Variants in ADAMTS9 observed in about 807,000 individuals in gnomAD.
The protein encoded by ADAMTS9 is A disintegrin and metalloproteinase with thrombospondin motifs 9.
A neutral mutation model predicts 257.1 loss-of-function variants in ADAMTS9; 107 were observed. The observed-to-expected ratio is 0.42, with a 90% CI of 0.36 to 0.49. The LOEUF (loss-of-function observed/expected upper bound fraction) is 0.49, where lower values mean the gene tolerates loss of function less well. Among genes scored for constraint, ADAMTS9 ranks in the 20% least tolerant of loss-of-function variants. The pLI is 0.03. For missense variants in ADAMTS9, 2,353 were observed against 2,469.1 expected, an observed-to-expected ratio of 0.95 and a Z score of 1.00; for synonymous variants, 982 against 880.9, an observed-to-expected ratio of 1.11 and a Z score of -2.03.
In ADAMTS9 at chr3:64,633,613, A is replaced by C; in HGVS notation, c.2039-5T>G. The C allele has an allele frequency of 6.2e-7, 1 of 1,614,062 alleles. No homozygotes were observed. Among genetic ancestry groups the C allele is most frequent in the Non-Finnish European group, 8.5e-7 (1 of 1,180,014 alleles). On this transcript the variant is annotated splice_region_variant and splice_polypyrimidine_tract_variant and intron_variant, in intron 13 of 39. Coordinates refer to ENST00000498707, the MANE Select transcript of ADAMTS9 (RefSeq NM_182920.2). Reference sequence around the variant, plus strand: ...TGCACCGGTCCTTCATCAGAACTAGAGAGGAGAAACAATACAACTTGACTT... The same window carrying C: ...TGCACCGGTCCTTCATCAGAACTAGCGAGGAGAAACAATACAACTTGACTT...
chr3:64,679,718 T>C (rs370908521), intron 3 of ADAMTS9, among the ~76,000 whole-genome samples: 1 of 152,174 alleles, frequency 6.6e-6, no homozygotes, highest in African/African-American at 2.4e-5. Flanking sequence ...ATGTATACAT[T>C]TCATGTTATG....
chr3:64,530,216 A>G (rs1469604176), intron 38 of ADAMTS9, among the ~76,000 whole-genome samples: 2 of 152,026 alleles, frequency 1.3e-5, no homozygotes, highest in Admixed American at 1.3e-4. Flanking sequence ...CTAAAGTCAC[A>G]CAGGTTTATT....
chr3:64,601,068 A>C (rs1174185628), intron 26 of ADAMTS9, among the ~76,000 whole-genome samples: 1 of 151,976 alleles, frequency 6.6e-6, no homozygotes, highest in Non-Finnish European at 1.5e-5. Context: ...TTTTTTTTTA[A>C]TTATTTAGTA....
intron 28 of ADAMTS9, among the ~76,000 whole-genome samples, chr3:64,582,063 C>G (rs1186085498): frequency 6.6e-6 from 1 of 152,144 alleles, no homozygotes; most frequent in Non-Finnish European, 1.5e-5. Flanking sequence ...GACATATCAT[C>G]TAAAATGTTT....
chr3:64,551,821 T>G (rs1483122837), intron 30 of ADAMTS9, among the ~76,000 whole-genome samples: 1 of 152,170 alleles, frequency 6.6e-6, no homozygotes, highest in Non-Finnish European at 1.5e-5. Flanking sequence ...AGTTTTCCAT[T>G]CCAGGAAAGC....
At chr3:64,647,903 G>C in intron 11 of ADAMTS9, 37 bp downstream of exon 11, 1 of 1,584,442 alleles carries the variant, frequency 6.3e-7, no homozygotes, top group Non-Finnish European at 8.6e-7. Flanking sequence ...GCACATTTCT[G>C]CCCTAAGACA....
At chr3:64,644,772 G>A (rs745979562) in intron 11 of ADAMTS9, among the ~76,000 whole-genome samples, 12 of 152,114 alleles carry the variant, frequency 7.9e-5, no homozygotes, top group Non-Finnish European at 1.3e-4. Context: ...TTATTCTATA[G>A]ATTTTACTTC....
intron 11 of ADAMTS9, among the ~76,000 whole-genome samples, chr3:64,642,792 C>T (rs534092253): frequency 2.0e-5 from 3 of 152,112 alleles, no homozygotes; most frequent in Non-Finnish European, 4.4e-5. Flanking sequence ...GCGGCTCGCT[C>T]AGATCTCTGA....
intron 26 of ADAMTS9, among the ~76,000 whole-genome samples, chr3:64,599,136 C>T (rs1298796709): frequency 6.6e-6 from 1 of 152,082 alleles, no homozygotes; most frequent in Non-Finnish European, 1.5e-5. Context: ...AGTTGCACTG[C>T]ACATTCTTGA....
At chr3:64,680,742 T>G (rs1190187848) in intron 3 of ADAMTS9, among the ~76,000 whole-genome samples, 1 of 152,176 alleles carries the variant, frequency 6.6e-6, no homozygotes, top group Non-Finnish European at 1.5e-5. Flanking sequence ...CAAACACATA[T>G]ATGTTTTCGT....
chr3:64,541,050 G>C (rs1479506688), intron 36 of ADAMTS9, 45 bp downstream of exon 36: 1 of 1,608,738 alleles, frequency 6.2e-7, no homozygotes, highest in African/African-American at 1.3e-5. Flanking sequence ...TGTCTGAATG[G>C]AGAGAAGAAC....
At chr3:64,586,598 G>A (rs1277916358) in intron 28 of ADAMTS9, 1 of 152,140 alleles carries the variant, frequency 6.6e-6, no homozygotes, top group Non-Finnish European at 1.5e-5. Context: ...CTGAGGAAGA[G>A]AACTGATGGC....
intron 22 of ADAMTS9, 115 bp downstream of exon 22, chr3:64,613,230 C>T: frequency 1.5e-6 from 2 of 1,294,494 alleles, no homozygotes; most frequent in Non-Finnish European, 2.1e-6. Flanking sequence ...TGGAGGTGTC[C>T]TGCATGCCAC....
intron 38 of ADAMTS9, among the ~76,000 whole-genome samples, chr3:64,532,453 G>A (rs2082993811): frequency 6.6e-6 from 1 of 152,118 alleles, no homozygotes; most frequent in Non-Finnish European, 1.5e-5. Flanking sequence ...TTCTGCTTTT[G>A]AACCATGGTG....
chr3:64,642,789 G>T (rs577878445), intron 11 of ADAMTS9, among the ~76,000 whole-genome samples: 2 of 152,132 alleles, frequency 1.3e-5, no homozygotes, highest in African/African-American at 4.8e-5. Flanking sequence ...CCCGCGGCTC[G>T]CTCAGATCTC....
chr3:64,614,010 C>A (rs2084715054), intron 21 of ADAMTS9, among the ~76,000 whole-genome samples: 1 of 152,122 alleles, frequency 6.6e-6, no homozygotes, highest in Non-Finnish European at 1.5e-5. Context: ...TTTATCCATA[C>A]TTACTGTAGA....
chr3:64,631,694 A>T (rs1700371221), intron 15 of ADAMTS9, 114 bp downstream of exon 15: 2 of 1,201,450 alleles, frequency 1.7e-6, no homozygotes, highest in Admixed American at 3.6e-5. Flanking sequence ...ATAATCCACC[A>T]TAACGAGACT....
intron 32 of ADAMTS9, among the ~76,000 whole-genome samples, chr3:64,543,385 C>T (rs779020708): frequency 2.2e-4 from 33 of 152,064 alleles, no homozygotes; most frequent in Non-Finnish European, 4.4e-4. Flanking sequence ...ACTGGCAAAC[C>T]GAATCCAGCA....
At chr3:64,657,462 A>G (rs927181371) in intron 4 of ADAMTS9, among the ~76,000 whole-genome samples, 2 of 151,774 alleles carry the variant, frequency 1.3e-5, no homozygotes, top group African/African-American at 4.8e-5. Flanking sequence ...TCAGCTCCCG[A>G]GCACCTGAGC....
Sources: gnomAD v4.1 joint callset for allele counts (sites outside exome capture counted in the v4.1 genomes callset) on GRCh38, gnomAD v4.1.1 for gene constraint, MANE v1.5 for transcripts, NCBI Gene and HGNC (gene_info 2026-07-23, HGNC 2026-07-21) for gene names.